The following BIRC6 variants were observed in gnomAD, a reference collection of about 807,000 sequenced individuals.
The protein encoded by BIRC6 is dual E2 ubiquitin-conjugating enzyme/E3 ubiquitin-protein ligase BIRC6.
In BIRC6, 98 loss-of-function variants were observed where a neutral mutation model predicts 503.3. That is an observed-to-expected ratio of 0.19 (90% confidence interval 0.17 to 0.23). The LOEUF (loss-of-function observed/expected upper bound fraction) is 0.23. BIRC6 is among the 10% of genes least tolerant of loss of function. The pLI is 1.00. For missense variants in BIRC6, 5,360 were observed against 5,806.0 expected (o/e 0.92, Z 2.50); for synonymous variants, 2,240 against 2,078.7 (o/e 1.08, Z -2.11).
rs1348601890 is a variant in BIRC6 at position 32,415,290 on chromosome 2, A to C, written c.1999A>C (p.Ile667Leu). 2.5e-6 allele frequency: 4 copies of C among 1,613,944 alleles called. No homozygotes were observed. In the Admixed American group the frequency reaches 6.7e-5, roughly 27 times the overall value. ...LHDDGFTVPQ[I>L]IEMELDSQEQ... ...TGATGATGGTTTTACTGTTCCACAG[A>C]TTATTGAAATGGAGCTGGATAGTCA... The change falls in exon 10 of 74, where the codon ATT (isoleucine) becomes CTT (leucine). Residue 667 changes from isoleucine to leucine, a missense_variant. Ile to Leu is a conservative substitution (Grantham distance 5). Transcript: ENST00000421745.
At chr2:32,542,331 T>C (rs183284891) in intron 61 of BIRC6, among the ~76,000 whole-genome samples, 4 of 152,092 alleles carry the variant, frequency 2.6e-5, no homozygotes, top group African/African-American at 9.7e-5. Flanking sequence ...AATGTTTTGC[T>C]GTGCTAGAAA....
At position 32,529,598 on chromosome 2, in the gene BIRC6, A is replaced by G. The variant is rs2056566759; in HGVS notation, c.11921-53A>G. On this transcript the variant is annotated intron_variant, in intron 59 of 73. Transcript: ENST00000421745. ...AGTAAAAGCAGATAATAATTAAACCAAGTAAATGTTTCTTTCTCGGTTTCC... is the reference window on the plus strand; with the variant it reads ...AGTAAAAGCAGATAATAATTAAACCGAGTAAATGTTTCTTTCTCGGTTTCC... The G allele has an allele frequency of 2.1e-6, 3 of 1,404,190 alleles. No individual in the cohort carries two copies. The South Asian group carries it at 4.8e-5, about 23-fold the overall frequency. The allele number at this position is 1,404,190 out of a possible 1,614,324, so 87.0% of individuals were successfully genotyped here. A position where few individuals can be genotyped will look rare whatever the true frequency, so the allele number is the denominator to read the frequency against.
At chr2:32,373,425 C>T (rs186290195) in intron 1 of BIRC6, among the ~76,000 whole-genome samples, 1 of 152,282 alleles carries the variant, frequency 6.6e-6, no homozygotes, top group Admixed American at 6.5e-5. Flanking sequence ...GAGAAATAAA[C>T]TATTGCATAT....
intron 3 of BIRC6, among the ~76,000 whole-genome samples, chr2:32,381,104 A>G (rs944861958): frequency 6.6e-6 from 1 of 152,190 alleles, no homozygotes; most frequent in African/African-American, 2.4e-5. Flanking sequence ...CTTCCCTGTT[A>G]TTGAAGGATA....
chr2:32,474,843 T>C (rs888350309), intron 33 of BIRC6, among the ~76,000 whole-genome samples: 1 of 152,220 alleles, frequency 6.6e-6, no homozygotes, highest in Non-Finnish European at 1.5e-5. Flanking sequence ...GTGTACATGC[T>C]AGTTTTAATT....
Position 32,508,276 on chromosome 2 carries a change from C to CTTTTTTTTTTTTTTTTTTTTTTTTTTT in BIRC6, c.9980+18_9980+44dup, listed in dbSNP as rs10528992. On this transcript the variant is annotated intron_variant, in intron 51 of 73. Coordinates refer to ENST00000421745, the MANE Select transcript of BIRC6 (RefSeq NM_016252.4). ...CAAAACAAGGTATGTTTTGTTTGTC[C>CTTTTTTTTTTTTTTTTTTTTTTTTTTT]TTTTTTTTTTTTTTTTTTTTTTTTT... The CTTTTTTTTTTTTTTTTTTTTTTTTTTT allele has an allele frequency of 1.4e-5, 12 of 864,884 alleles. 1 individual carries two copies. In the African/African-American group the frequency reaches 3.4e-4, roughly 25 times the overall value. The allele number at this position is 864,884 out of a possible 1,614,324, so 53.6% of individuals were successfully genotyped here.
intron 31 of BIRC6, 60 bp from the exon 32 acceptor site, chr2:32,470,954 A>T: frequency 6.6e-7 from 1 of 1,505,212 alleles, no homozygotes. Flanking sequence ...ATATTATCAG[A>T]TCTAATTAGG....
At chr2:32,388,535 C>T (rs2038806080) in intron 3 of BIRC6, among the ~76,000 whole-genome samples, 2 of 152,150 alleles carry the variant, frequency 1.3e-5, no homozygotes, top group South Asian at 4.1e-4. Flanking sequence ...TACCCAGTCA[C>T]CCATTGATGG....
chr2:32,401,967 A>C (rs1218029985), intron 8 of BIRC6, among the ~76,000 whole-genome samples: 1 of 152,224 alleles, frequency 6.6e-6, no homozygotes, highest in African/African-American at 2.4e-5. Context: ...CTTTTCATAG[A>C]GCATTCGAAC....
chr2:32,573,411 G>T (rs1221675049), intron 65 of BIRC6, among the ~76,000 whole-genome samples: 1 of 152,060 alleles, frequency 6.6e-6, no homozygotes, highest in Non-Finnish European at 1.5e-5. Context: ...GGCCAGGCTG[G>T]TCTCGAACTC....
intron 73 of BIRC6, among the ~76,000 whole-genome samples, chr2:32,614,832 T>TA (rs2063131560): frequency 6.6e-6 from 1 of 152,050 alleles, no homozygotes; most frequent in African/African-American, 2.4e-5. Flanking sequence ...AATTCTGTCT[T>TA]AAAAAATAAA....
Position 32,357,137 on chromosome 2 carries a change from C to T in BIRC6, c.-25C>T, listed in dbSNP as rs1463554399. ...CGCCTGACTTCACTTCCGGCTAACG[C>T]GCTCGGCTTGCCCCCTGGCCCCGGA... On this transcript the variant is annotated 5_prime_UTR_variant, in exon 1 of 74. Transcript: ENST00000421745. The surrounding 1 kb of genome is among the most constrained non-coding windows in gnomAD (Gnocchi z 4.9). 6.1e-6 allele frequency: 9 copies of T among 1,465,982 alleles called. No homozygotes were observed. The highest frequency in any genetic ancestry group is 8.0e-6 in the Non-Finnish European group (9 of 1,123,172). The allele number at this position is 1,465,982 out of a possible 1,614,324, so 90.8% of individuals were successfully genotyped here. A position where few individuals can be genotyped will look rare whatever the true frequency, so the allele number is the denominator to read the frequency against.
At chr2:32,370,937 T>A (rs927056956) in intron 1 of BIRC6, among the ~76,000 whole-genome samples, 4 of 152,184 alleles carry the variant, frequency 2.6e-5, no homozygotes, top group African/African-American at 9.6e-5. Flanking sequence ...GCAAGTTTTT[T>A]AGGGTTGTAC....
chr2:32,560,755 A>T (rs1021020285), intron 65 of BIRC6, among the ~76,000 whole-genome samples: 27 of 152,052 alleles, frequency 1.8e-4, no homozygotes, highest in African/African-American at 5.8e-4. Context: ...TTTTGTAGAA[A>T]TAGGTTCTCA....
chr2:32,479,221 GTAAT>G (rs2050110942), intron 36 of BIRC6, among the ~76,000 whole-genome samples: 1 of 152,148 alleles, frequency 6.6e-6, no homozygotes, highest in Admixed American at 6.6e-5. Flanking sequence ...TGTATGTACA[GTAAT>G]TAAAATAACT....
intron 45 of BIRC6, among the ~76,000 whole-genome samples, chr2:32,498,689 G>T (rs537880982): frequency 6.6e-6 from 1 of 152,230 alleles, no homozygotes; most frequent in Admixed American, 6.5e-5. Context: ...CTGGGTTCAT[G>T]CAATTCTCAT....
intron 71 of BIRC6, among the ~76,000 whole-genome samples, chr2:32,606,344 T>C (rs1373496547): frequency 6.6e-6 from 1 of 152,084 alleles, no homozygotes; most frequent in African/African-American, 2.4e-5. Context: ...TCTCAGCACT[T>C]TGGGAGGCCA....
At chr2:32,401,794 T>C (rs2040625572) in intron 8 of BIRC6, among the ~76,000 whole-genome samples, 171 bp downstream of exon 8, 1 of 152,228 alleles carries the variant, frequency 6.6e-6, no homozygotes, top group African/African-American at 2.4e-5. Context: ...AAGAAAAATC[T>C]TCATTCAGAA....
At chr2:32,510,091 T>C in intron 52 of BIRC6, 97 bp downstream of exon 52, 1 of 1,372,908 alleles carries the variant, frequency 7.3e-7, no homozygotes, top group Non-Finnish European at 9.9e-7. Context: ...TTGGGAATTA[T>C]TTTTTCTTTT....
Sources: allele counts gnomAD v4.1 joint callset (sites outside exome capture counted in the v4.1 genomes callset), GRCh38; gene constraint gnomAD v4.1.1; non-coding constraint Gnocchi (gnomAD v3.1); transcripts MANE v1.5; gene names NCBI Gene and HGNC (gene_info 2026-07-23, HGNC 2026-07-21).